PTPN12: variants seen among roughly 807,000 people sequenced by gnomAD.
The protein encoded by PTPN12 is tyrosine-protein phosphatase non-receptor type 12.
In PTPN12, 29 loss-of-function variants were observed where a neutral mutation model predicts 97.6. The observed-to-expected ratio is 0.30, with a 90% CI of 0.22 to 0.41. The LOEUF (loss-of-function observed/expected upper bound fraction) is 0.41. Ranked by LOEUF, PTPN12 falls within the 10% of genes least tolerant of loss-of-function variation. The pLI is 1.00. For synonymous variants in PTPN12, 327 were observed against 300.4 expected (o/e 1.09, Z -0.91); for missense variants, 819 against 926.0 (o/e 0.88, Z 1.50).
Position 77,639,402 on chromosome 7 carries a change from AT to A in PTPN12, c.*128del, listed in dbSNP as rs1789720245. The A allele has an allele frequency of 6.5e-6, 5 of 772,800 alleles. No homozygotes were observed. The highest frequency in any genetic ancestry group is 1.0e-5 in the Non-Finnish European group (5 of 491,308). 47.9% of individuals were successfully genotyped at this position (772,800 alleles called of 1,614,324 possible). The stretch of plus-strand genomic sequence containing the variant: ...CAGCAGTGTAGATTGTTACCTTAAT[AT>A]TTTTTGCTGGGACCATCTACCTGCC... On this transcript the variant is annotated 3_prime_UTR_variant, in exon 18 of 18. Transcript: ENST00000248594.
At position 77,627,055 on chromosome 7, in the gene PTPN12, G is replaced by C; in HGVS notation, c.1376G>C (p.Gly459Ala). Reference sequence around the variant, plus strand: ...GATGGGAACACACTTTTGAATAGGGGACATGCAATTAAAATTAAATCTGCT... The same window carrying C: ...GATGGGAACACACTTTTGAATAGGGCACATGCAATTAAAATTAAATCTGCT... The part of the protein sequence containing the change: ...SFDGNTLLNR[G>A]HAIKIKSASP... The change falls in exon 13 of 18, where the codon GGA becomes GCA. Residue 459 changes from glycine (G) to alanine (A), a missense_variant. By Grantham distance (60) the Gly-to-Ala change is moderately conservative. This residue lies in a region of PTPN12 where 607 missense variants were observed against 577.3 expected (regional missense o/e 1.05). Coordinates refer to ENST00000248594, the MANE Select transcript of PTPN12 (RefSeq NM_002835.4). 1 of 1,613,788 alleles carries C rather than the reference G, an allele frequency of 6.2e-7. No individual in the cohort carries two copies. The highest frequency in any genetic ancestry group is 8.5e-7 in the Non-Finnish European group (1 of 1,179,832).
intron 6 of PTPN12, 111 bp downstream of exon 6, chr7:77,592,367 C>T (rs773169475): frequency 3.2e-5 from 28 of 877,462 alleles, no homozygotes; most frequent in Non-Finnish European, 4.4e-5. Flanking sequence ...CAAGGACTCA[C>T]AAACCTATGC....
intron 1 of PTPN12, 42 bp downstream of exon 1, chr7:77,537,687 G>A (rs765990469): frequency 6.5e-7 from 1 of 1,539,608 alleles, no homozygotes; most frequent in African/African-American, 1.4e-5. Context: ...TGCCGGCGCC[G>A]GAGCCCATCG....
intron 1 of PTPN12, among the ~76,000 whole-genome samples, chr7:77,569,288 T>C (rs1166997223): frequency 6.6e-6 from 1 of 152,194 alleles, no homozygotes; most frequent in Non-Finnish European, 1.5e-5. Context: ...GTGTATATAA[T>C]GTACACTATT....
chr7:77,562,881 T>C (rs1214002517), intron 1 of PTPN12, among the ~76,000 whole-genome samples: 1 of 151,330 alleles, frequency 6.6e-6, no homozygotes, highest in Non-Finnish European at 1.5e-5. Context: ...AAGGGTAAAC[T>C]TGCATTATAA....
chr7:77,548,924 C>G (rs1425692136), intron 1 of PTPN12, among the ~76,000 whole-genome samples: 3 of 152,180 alleles, frequency 2.0e-5, no homozygotes, highest in African/African-American at 4.8e-5. Context: ...CTTTGCTTCT[C>G]TGCACACCTG....
At position 77,588,737 on chromosome 7, in the gene PTPN12, C is replaced by G. The variant is rs1190112217; in HGVS notation, c.420+3156C>G. On this transcript the variant is annotated intron_variant, in intron 5 of 17. Coordinates refer to ENST00000248594, the MANE Select transcript of PTPN12 (RefSeq NM_002835.4). ...TGTTACTTAGTAAACTTCAAATATTCAGTGGTGTTGTAACTAGAATGCTAT... is the reference window on the plus strand; with the variant it reads ...TGTTACTTAGTAAACTTCAAATATTGAGTGGTGTTGTAACTAGAATGCTAT... 2.0e-5 allele frequency among the ~76,000 whole-genome samples: 3 copies of G among 152,212 alleles called. No homozygotes were observed. In the East Asian group the frequency reaches 5.8e-4, roughly 29 times the overall value.
intron 1 of PTPN12, among the ~76,000 whole-genome samples, chr7:77,570,841 A>G (rs1787102201): frequency 6.6e-6 from 1 of 152,232 alleles, no homozygotes; most frequent in Non-Finnish European, 1.5e-5. Flanking sequence ...TCTTTAAATT[A>G]TATTACTTTT....
At chr7:77,593,309 G>C (rs934459657) in intron 6 of PTPN12, among the ~76,000 whole-genome samples, 1 of 151,952 alleles carries the variant, frequency 6.6e-6, no homozygotes, top group Non-Finnish European at 1.5e-5. Flanking sequence ...CTATATTAGG[G>C]TTCTCCAGAG....
intron 12 of PTPN12, among the ~76,000 whole-genome samples, chr7:77,625,940 G>C (rs546230936): frequency 6.6e-5 from 10 of 152,260 alleles, no homozygotes; most frequent in Admixed American, 5.9e-4. Context: ...AGTATACCCA[G>C]AAAGAGGAAA....
chr7:77,543,626 A>G (rs1385295430), intron 1 of PTPN12, among the ~76,000 whole-genome samples: 1 of 152,140 alleles, frequency 6.6e-6, no homozygotes, highest in Admixed American at 6.6e-5. Context: ...ACCATAATCA[A>G]TTTTAGGACA....
intron 8 of PTPN12, among the ~76,000 whole-genome samples, chr7:77,605,526 T>A (rs1357617852): frequency 6.7e-6 from 1 of 150,206 alleles, no homozygotes; most frequent in Non-Finnish European, 1.5e-5. Flanking sequence ...TTCAAGTGAT[T>A]CTCCTGCCTC....
At chr7:77,559,581 CT>C (rs58491136) in intron 1 of PTPN12, among the ~76,000 whole-genome samples, 20,872 of 152,158 alleles carry the variant, frequency 0.14, 1,522 homozygotes, top group African/African-American at 0.18. Flanking sequence ...TTAAATTACA[CT>C]TCCAGTTTTT....
At chr7:77,596,521 CTACCTCAGCCTCCCAAG>C (rs1264332840) in intron 6 of PTPN12, among the ~76,000 whole-genome samples, 1 of 152,186 alleles carries the variant, frequency 6.6e-6, no homozygotes, top group African/African-American at 2.4e-5. Flanking sequence ...AGTGATCCAC[CTACCTCAGCCTCCCAAG>C]TAGCTGAGAG....
chr7:77,556,255 G>C (rs1178038826), intron 1 of PTPN12, among the ~76,000 whole-genome samples: 1 of 151,984 alleles, frequency 6.6e-6, no homozygotes, highest in African/African-American at 2.4e-5. Context: ...TAGAGAAGGG[G>C]TTTCGTCATG....
intron 6 of PTPN12, among the ~76,000 whole-genome samples, chr7:77,596,585 A>G (rs888600390): frequency 6.6e-6 from 1 of 152,006 alleles, no homozygotes; most frequent in Non-Finnish European, 1.5e-5. Context: ...TAGTTTTTGT[A>G]TTTTTTTGTA....
intron 1 of PTPN12, among the ~76,000 whole-genome samples, chr7:77,553,405 A>G (rs1043220287): frequency 5.3e-5 from 8 of 152,230 alleles, no homozygotes; most frequent in African/African-American, 1.7e-4. Flanking sequence ...CTTCAACTAT[A>G]ATAGTGGATT....
chr7:77,593,581 GA>G (rs1353221837), intron 6 of PTPN12, among the ~76,000 whole-genome samples: 2 of 152,218 alleles, frequency 1.3e-5, no homozygotes, highest in South Asian at 4.1e-4. Context: ...TGTTGCAGAT[GA>G]AGGCAGCCTG....
chr7:77,597,769 G>A, intron 6 of PTPN12, 73 bp from the exon 7 acceptor site: 12 of 1,505,674 alleles, frequency 8.0e-6, no homozygotes, highest in Non-Finnish European at 1.1e-5. Context: ...TTTGATACAA[G>A]TATTTTATTT....
Sources: gnomAD v4.1 joint callset for allele counts (sites outside exome capture counted in the v4.1 genomes callset) on GRCh38, gnomAD v4.1.1 for gene constraint, gnomAD v4.1.1 regional missense constraint, MANE v1.5 for transcripts, NCBI Gene and HGNC (gene_info 2026-07-23, HGNC 2026-07-21) for gene names.